Variants in TG observed in about 807,000 individuals in gnomAD.
TG encodes the protein thyroid hormones.
TG carries 270 observed loss-of-function variants against 324.7 expected under a neutral mutation model. The observed-to-expected ratio is 0.83, with a 90% CI of 0.75 to 0.92. The LOEUF is 0.92. TG is among the 40% of genes least tolerant of loss of function. The pLI is 0.00. For synonymous variants in TG, 1,401 were observed against 1,327.0 expected, an observed-to-expected ratio of 1.06 and a Z score of -1.21; for missense variants, 3,591 against 3,456.4, an observed-to-expected ratio of 1.04 and a Z score of -0.98.
intron 29 of TG, chr8:132,964,553 A>G (rs1279051878): frequency 1.6e-5 from 4 of 249,424 alleles, no homozygotes; most frequent in Non-Finnish European, 3.1e-5. Flanking sequence ...GGTTACTCCC[A>G]TCAGTCTGAA....
chr8:132,983,038 CTT>C (rs901965559), intron 34 of TG, among the ~76,000 whole-genome samples: 7 of 152,166 alleles, frequency 4.6e-5, no homozygotes, highest in Admixed American at 3.3e-4. Context: ...ATTATTGAAA[CTT>C]GAGGCAAGAA....
intron 45 of TG, among the ~76,000 whole-genome samples, chr8:133,128,717 G>A (rs949113055): frequency 3.9e-5 from 6 of 152,172 alleles, no homozygotes; most frequent in South Asian, 2.1e-4. Context: ...GGCCCTGGGC[G>A]TAGGATGAGC....
At chr8:132,871,310 C>T (rs1447162824) in intron 3 of TG, 38 bp from the exon 4 acceptor site, 7 of 1,608,640 alleles carry the variant, frequency 4.4e-6, no homozygotes, top group Non-Finnish European at 6.0e-6. Flanking sequence ...TGGAAATTTC[C>T]CTGCAGTTCT....
chr8:132,969,391 T>C (rs540218642), intron 31 of TG, 67 bp from the exon 32 acceptor site: 21 of 1,104,782 alleles, frequency 1.9e-5, no homozygotes, highest in Admixed American at 1.0e-4. Flanking sequence ...TTTTACTCAT[T>C]TGTCCTCATA....
rs536011756 is a variant in TG, at chr8:132,957,522, G to GAC, written c.5402-3477_5402-3476dup. Among the ~76,000 whole-genome samples the GAC allele has an allele frequency of 4.3e-4, 66 of 152,074 alleles. 1 individual carries two copies. In the South Asian group the frequency reaches 0.012, roughly 27 times the overall value. ...TAATTTTTGACATTATGTAAAACAG[G>GAC]ACACACACACCGACAGAAATAAGAG... On this transcript the variant is annotated intron_variant, in intron 27 of 47. Coordinates refer to ENST00000220616, the MANE Select transcript of TG (RefSeq NM_003235.5).
At chr8:133,040,579 A>G (rs1420598906) in intron 41 of TG, among the ~76,000 whole-genome samples, 1 of 152,152 alleles carries the variant, frequency 6.6e-6, no homozygotes, top group Non-Finnish European at 1.5e-5. Context: ...ATGGGGCTGC[A>G]TACAGCGCTG....
At chr8:132,917,320 T>A (rs1253141906) in intron 20 of TG, among the ~76,000 whole-genome samples, 2 of 151,760 alleles carry the variant, frequency 1.3e-5, no homozygotes, top group East Asian at 3.9e-4. Flanking sequence ...GCAGAAGTCT[T>A]GAAAGGTGAG....
Position 133,042,678 on chromosome 8 carries a change from CTTTTTTTTTTTTTT to C in TG, c.7239+12673_7239+12686del, listed in dbSNP as rs58739514. 6.2e-4 allele frequency among the ~76,000 whole-genome samples: 35 copies of C among 56,732 alleles called. 2 individuals carry two copies. Among genetic ancestry groups the C allele is most frequent in the African/African-American group, 1.7e-3 (25 of 14,466 alleles). 37.2% of individuals were successfully genotyped at this position (56,732 alleles called of 152,430 possible). A position where few individuals can be genotyped will look rare whatever the true frequency, so the allele number is the denominator to read the frequency against. On this transcript the variant is annotated intron_variant, in intron 41 of 47. Transcript: ENST00000220616. ...GTGCACAATTCCTCTCATTCTGTGT[CTTTTTTTTTTTTTT>C]TTTTTTTTTTTTTTTTTGTGAGATG...
chr8:133,092,251 G>A (rs771133772), intron 41 of TG, among the ~76,000 whole-genome samples: 4 of 152,214 alleles, frequency 2.6e-5, no homozygotes, highest in Non-Finnish European at 5.9e-5. Context: ...CCCTGACTCC[G>A]AAGCAACTAC....
chr8:132,949,177 C>T (rs1001527434), intron 27 of TG, among the ~76,000 whole-genome samples: 1 of 152,206 alleles, frequency 6.6e-6, no homozygotes, highest in African/African-American at 2.4e-5. Flanking sequence ...CAGGATGGCC[C>T]AGCAGGGCAA....
intron 40 of TG, among the ~76,000 whole-genome samples, chr8:133,028,717 G>A (rs1157367005): frequency 2.0e-5 from 3 of 152,344 alleles, no homozygotes; most frequent in Admixed American, 6.5e-5. Flanking sequence ...AGTTGGGACT[G>A]CAGCCGGCTG....
intron 22 of TG, among the ~76,000 whole-genome samples, chr8:132,928,271 A>G (rs1822182765): frequency 6.6e-6 from 1 of 152,220 alleles, no homozygotes; most frequent in African/African-American, 2.4e-5. Context: ...TATGTTTATA[A>G]TTATGTTTGC....
At chr8:132,963,884 T>A (rs1438676958) in intron 29 of TG, among the ~76,000 whole-genome samples, 2 of 152,156 alleles carry the variant, frequency 1.3e-5, no homozygotes, top group Non-Finnish European at 2.9e-5. Flanking sequence ...TTTCTGCCAC[T>A]GACTACATGC....
rs757648046 is a variant in TG at position 133,131,944 on chromosome 8, A to G, written c.7995A>G (p.Ser2665=). Residue 2665 remains serine, a splice_region_variant and synonymous_variant, in exon 46 of 48, where the codon TCA becomes TCG. Transcript: ENST00000220616. ...IMQYFSHFIR[S]GNPNYPYEFS... The stretch of plus-strand genomic sequence containing the variant: ...AGTACTTTTCCCACTTCATCAGATC[A>G]GGGTAATTTTGGACCACTTGTTCAG... 8 of 1,614,034 alleles carry G rather than the reference A, an allele frequency of 5.0e-6. No homozygotes were observed. The South Asian group carries it at 8.8e-5, about 18-fold the overall frequency.
intron 35 of TG, among the ~76,000 whole-genome samples, chr8:132,991,924 C>T (rs541146639): frequency 6.6e-6 from 1 of 152,264 alleles, no homozygotes; most frequent in African/African-American, 2.4e-5. Flanking sequence ...CAAACTGGTG[C>T]TGCAATGATA....
At chr8:133,101,411 G>T (rs60395395) in intron 43 of TG, among the ~76,000 whole-genome samples, 5,327 of 152,190 alleles carry the variant, frequency 0.035, 306 homozygotes, top group African/African-American at 0.12. Context: ...CCCCAAGAAG[G>T]CTCCATGGCA....
chr8:132,928,944 T>A (rs1822283194), intron 22 of TG, 132 bp from the exon 23 acceptor site: 1 of 774,902 alleles, frequency 1.3e-6, no homozygotes, highest in Admixed American at 1.8e-5. Context: ...AAGGAATTGC[T>A]TTTCCTGGGA....
chr8:132,994,404 G>T (rs1276478374), intron 35 of TG, among the ~76,000 whole-genome samples: 2 of 152,276 alleles, frequency 1.3e-5, no homozygotes, highest in East Asian at 3.9e-4. Flanking sequence ...CAAACACGCG[G>T]GGGAAATATT....
chr8:132,947,289 G>T (rs143079174), intron 26 of TG, among the ~76,000 whole-genome samples: 2 of 152,292 alleles, frequency 1.3e-5, no homozygotes, highest in East Asian at 3.9e-4. Context: ...TACCAAGTCA[G>T]AAACTCTGTG....
Sources: allele counts gnomAD v4.1 joint callset (sites outside exome capture counted in the v4.1 genomes callset), GRCh38; gene constraint gnomAD v4.1.1; transcripts MANE v1.5; gene names NCBI Gene and HGNC (gene_info 2026-07-23, HGNC 2026-07-21).